The following IL1RAPL1 variants were observed in gnomAD, a reference collection of about 807,000 sequenced individuals.
The protein encoded by IL1RAPL1 is interleukin-1 receptor accessory protein-like 1.
Under a neutral mutation model 48.4 loss-of-function variants are expected in IL1RAPL1, and 3 were observed. The observed-to-expected ratio is 0.06, with a 90% CI of 0.03 to 0.16. IL1RAPL1 has a LOEUF of 0.16. Among genes scored for constraint, IL1RAPL1 ranks in the 10% least tolerant of loss-of-function variants. The pLI, the probability that IL1RAPL1 is intolerant of heterozygous loss-of-function variation, is 1.00. For missense variants in IL1RAPL1, 349 were observed against 530.6 expected (o/e 0.66, Z 3.36); for synonymous variants, 185 against 187.7 (o/e 0.99, Z 0.12).
intron 2 of IL1RAPL1, among the ~76,000 whole-genome samples, chrX:29,245,959 T>TGTTA (rs1300275892): frequency 9.0e-6 from 1 of 111,042 alleles, no homozygotes; most frequent in Non-Finnish European, 1.9e-5. Context: ...TTCATATACA[T>TGTTA]GTTAGCCCTC....
In IL1RAPL1 at chrX:29,206,120, A is replaced by G. The variant is rs186048651; in HGVS notation, c.83-76818A>G. On this transcript the variant is annotated intron_variant, in intron 2 of 10. Coordinates refer to ENST00000378993, the MANE Select transcript of IL1RAPL1 (RefSeq NM_014271.4). ...AGTGGAGAAAGTAATTACCTGATCT[A>G]TATCATTAACTTATTTGAAAACTCT... 5.1e-3 allele frequency among the ~76,000 whole-genome samples: 565 copies of G among 111,755 alleles called. 3 individuals are homozygous for G. The highest frequency in any genetic ancestry group is 0.019 in the Middle Eastern group (4 of 215).
intron 1 of IL1RAPL1, among the ~76,000 whole-genome samples, chrX:28,666,970 G>A (rs1444149389): frequency 9.0e-6 from 1 of 111,695 alleles, no homozygotes; most frequent in Non-Finnish European, 1.9e-5. Flanking sequence ...TTAACAATTT[G>A]CATCTTGAAT....
At chrX:28,733,219 T>G (rs957885165) in intron 1 of IL1RAPL1, among the ~76,000 whole-genome samples, 3 of 111,013 alleles carry the variant, frequency 2.7e-5, no homozygotes, top group Admixed American at 9.7e-5. Flanking sequence ...TGAGCAATGT[T>G]AACAGTAATT....
chrX:29,378,135 A>T (rs1933647693), intron 3 of IL1RAPL1, among the ~76,000 whole-genome samples: 1 of 106,380 alleles, frequency 9.4e-6, no homozygotes, highest in East Asian at 2.9e-4. Flanking sequence ...GAGCTATGAG[A>T]TTCTTTTCTC....
intron 3 of IL1RAPL1, among the ~76,000 whole-genome samples, chrX:29,353,973 AT>A (rs1933268964): frequency 9.1e-6 from 1 of 110,104 alleles, no homozygotes; most frequent in Non-Finnish European, 1.9e-5. Context: ...GGTTCTAATT[AT>A]TATTGCCATT....
intron 5 of IL1RAPL1, among the ~76,000 whole-genome samples, chrX:29,602,731 C>G (rs961062723): frequency 1.8e-5 from 2 of 112,566 alleles, no homozygotes; most frequent in South Asian, 3.6e-4. Context: ...AGACTTTCCC[C>G]TGGAAATTCA....
At chrX:29,265,067 G>A (rs1384980518) in intron 2 of IL1RAPL1, among the ~76,000 whole-genome samples, 1 of 110,360 alleles carries the variant, frequency 9.1e-6, no homozygotes, top group African/African-American at 3.3e-5. Context: ...CATACGCCAC[G>A]ACACCCAGCT....
intron 6 of IL1RAPL1, among the ~76,000 whole-genome samples, chrX:29,799,560 A>T (rs1222805040): frequency 2.7e-5 from 3 of 112,641 alleles, no homozygotes; most frequent in African/African-American, 6.4e-5. Flanking sequence ...GACTAAGAGC[A>T]TAATACATTT....
At chrX:29,893,724 T>C (rs1194892043) in intron 6 of IL1RAPL1, among the ~76,000 whole-genome samples, 1 of 111,514 alleles carries the variant, frequency 9.0e-6, no homozygotes, top group African/African-American at 3.3e-5. Context: ...CCAGGGACAT[T>C]GGTTTTGCAA....
intron 2 of IL1RAPL1, among the ~76,000 whole-genome samples, chrX:28,968,721 A>G (rs143485557): frequency 0.014 from 1,532 of 112,922 alleles, 20 homozygotes; most frequent in African/African-American, 0.047. Flanking sequence ...GCAGGAATCA[A>G]AATTCTACAG....
intron 2 of IL1RAPL1, among the ~76,000 whole-genome samples, chrX:29,128,039 A>G (rs951895586): frequency 9.0e-6 from 1 of 110,668 alleles, no homozygotes; most frequent in Non-Finnish European, 1.9e-5. Context: ...TTCAATCAAG[A>G]ATTGTCGCAT....
chrX:29,496,150 C>T (rs1199750983), intron 5 of IL1RAPL1, among the ~76,000 whole-genome samples: 1 of 111,468 alleles, frequency 9.0e-6, no homozygotes, highest in Middle Eastern at 4.2e-3. Context: ...CTAAATTTAC[C>T]TTTCACCTAT....
chrX:29,264,526 A>G (rs1931918853), intron 2 of IL1RAPL1, among the ~76,000 whole-genome samples: 1 of 111,226 alleles, frequency 9.0e-6, no homozygotes, highest in African/African-American at 3.3e-5. Context: ...GAAAAGATTC[A>G]AAGTTGTTTT....
At chrX:28,981,490 A>G (rs1034014461) in intron 2 of IL1RAPL1, among the ~76,000 whole-genome samples, 4 of 111,946 alleles carry the variant, frequency 3.6e-5, no homozygotes, top group Non-Finnish European at 7.5e-5. Flanking sequence ...CTATATGCAA[A>G]GAAATATATT....
At chrX:29,739,060 G>T (rs1461172088) in intron 6 of IL1RAPL1, among the ~76,000 whole-genome samples, 1 of 112,055 alleles carries the variant, frequency 8.9e-6, no homozygotes, top group East Asian at 2.8e-4. Flanking sequence ...TCACAGATCA[G>T]AGAAACCCAA....
chrX:29,112,054 C>T (rs978338998), intron 2 of IL1RAPL1, among the ~76,000 whole-genome samples: 1 of 107,982 alleles, frequency 9.3e-6, no homozygotes, highest in Non-Finnish European at 1.9e-5. Context: ...CTCTGCCCCC[C>T]GAGTAGCTGG....
At chrX:29,081,495 G>A (rs936784754) in intron 2 of IL1RAPL1, among the ~76,000 whole-genome samples, 1 of 111,294 alleles carries the variant, frequency 9.0e-6, no homozygotes, top group Non-Finnish European at 1.9e-5. Context: ...GAGCCACCAC[G>A]CCCAGCCTCA....
chrX:29,638,839 G>A (rs1012936515), intron 5 of IL1RAPL1, among the ~76,000 whole-genome samples: 1 of 112,082 alleles, frequency 8.9e-6, no homozygotes, highest in Non-Finnish European at 1.9e-5. Context: ...TTCTTTGCCC[G>A]CTACTTACAC....
At chrX:29,388,044 T>G (rs1225729516) in intron 3 of IL1RAPL1, among the ~76,000 whole-genome samples, 1 of 79,509 alleles carries the variant, frequency 1.3e-5, no homozygotes, top group Non-Finnish European at 2.4e-5. Flanking sequence ...CCCCAGAAAA[T>G]GAAAGATGGC....
Sources: allele counts gnomAD v4.1 joint callset (sites outside exome capture counted in the v4.1 genomes callset), GRCh38; gene constraint gnomAD v4.1.1; transcripts MANE v1.5; gene names NCBI Gene and HGNC (gene_info 2026-07-23, HGNC 2026-07-21).